Variants in JAZF1 observed in about 807,000 individuals in gnomAD.
JAZF1 encodes JAZF zinc finger 1.
JAZF1 carries 8 observed loss-of-function variants against 26.4 expected under a neutral mutation model. That is an observed-to-expected ratio of 0.30 (90% CI 0.18 to 0.55). The LOEUF (loss-of-function observed/expected upper bound fraction) is 0.55. Among genes scored for constraint, JAZF1 ranks in the 20% least tolerant of loss-of-function variants. The probability of loss-of-function intolerance (pLI) is 0.94; values close to 1 mark genes in which losing one functional copy is unlikely to be tolerated. For missense variants in JAZF1, 199 were observed against 322.0 expected (o/e 0.62, Z 2.92); for synonymous variants, 126 against 122.3 (o/e 1.03, Z -0.20).
At chr7:27,846,737 C>A (rs1783038882) in intron 3 of JAZF1, among the ~76,000 whole-genome samples, 1 of 152,164 alleles carries the variant, frequency 6.6e-6, no homozygotes, top group African/African-American at 2.4e-5. Context: ...ATCCTGTTGG[C>A]CATTTTTATG....
At chr7:27,944,692 A>G (rs1177179405) in intron 2 of JAZF1, among the ~76,000 whole-genome samples, 1 of 152,212 alleles carries the variant, frequency 6.6e-6, no homozygotes, top group Non-Finnish European at 1.5e-5. Flanking sequence ...GAAATTGTGC[A>G]GGGGTCACAT....
chr7:27,880,440 C>G (rs1265657023), intron 3 of JAZF1, among the ~76,000 whole-genome samples: 1 of 152,084 alleles, frequency 6.6e-6, no homozygotes, highest in East Asian at 2.0e-4. Context: ...TGAGACCAGT[C>G]TGGCCAACAT....
intron 1 of JAZF1, among the ~76,000 whole-genome samples, chr7:28,090,624 C>T (rs1378732181): frequency 2.6e-5 from 4 of 152,256 alleles, no homozygotes; most frequent in Admixed American, 2.6e-4. Context: ...GGTACTAGTA[C>T]TCCCACATAA....
chr7:27,903,658 C>A (rs1021785551), intron 2 of JAZF1, among the ~76,000 whole-genome samples: 1 of 152,214 alleles, frequency 6.6e-6, no homozygotes, highest in African/African-American at 2.4e-5. Flanking sequence ...TACTTCCTGG[C>A]CTTGATTTCT....
chr7:27,889,740 T>C (rs1229426975), intron 3 of JAZF1, among the ~76,000 whole-genome samples: 1 of 152,156 alleles, frequency 6.6e-6, no homozygotes, highest in Non-Finnish European at 1.5e-5. Context: ...AAGACCAGCC[T>C]GGCCAATATG....
chr7:27,975,015 G>C (rs1239552422), intron 2 of JAZF1, among the ~76,000 whole-genome samples: 2 of 151,860 alleles, frequency 1.3e-5, no homozygotes, highest in African/African-American at 2.4e-5. Flanking sequence ...CTCCTGAGTA[G>C]CTGGGACTAC....
chr7:28,146,044 C>T (rs1783023222), intron 1 of JAZF1, among the ~76,000 whole-genome samples: 1 of 152,156 alleles, frequency 6.6e-6, no homozygotes. Flanking sequence ...CCCCATGCTA[C>T]TATTCTAAAT....
chr7:28,025,234 G>C (rs943459479), intron 1 of JAZF1, among the ~76,000 whole-genome samples: 1 of 152,188 alleles, frequency 6.6e-6, no homozygotes, highest in Non-Finnish European at 1.5e-5. Flanking sequence ...CAATGATAGT[G>C]TTAAAGAACA....
chr7:27,980,080 C>T (rs563015197), intron 2 of JAZF1, among the ~76,000 whole-genome samples: 4 of 152,268 alleles, frequency 2.6e-5, no homozygotes, highest in Non-Finnish European at 5.9e-5. Context: ...ATATTAGATA[C>T]TTTTTCAAAT....
In JAZF1 at chr7:28,067,224, G is replaced by T. The variant is rs368523228; in HGVS notation, c.116-75243C>A. 2.6e-5 allele frequency among the ~76,000 whole-genome samples: 4 copies of T among 152,144 alleles called. No individual in the cohort carries two copies. In the East Asian group the frequency reaches 7.7e-4, roughly 29 times the overall value. On this transcript the variant is annotated intron_variant, in intron 1 of 4. Coordinates refer to ENST00000283928, the MANE Select transcript of JAZF1 (RefSeq NM_175061.4). ...CTGGGTCTGAAAAACCTGAATTAAG[G>T]TAACTATTATCCTCAGTGAACATGT...
At chr7:28,046,451 A>G (rs1054088162) in intron 1 of JAZF1, among the ~76,000 whole-genome samples, 2 of 152,196 alleles carry the variant, frequency 1.3e-5, no homozygotes, top group Non-Finnish European at 2.9e-5. Context: ...CTGTTCCCTT[A>G]CTAGGGGACA....
chr7:28,109,211 T>C (rs189005642), intron 1 of JAZF1, among the ~76,000 whole-genome samples: 3 of 152,300 alleles, frequency 2.0e-5, no homozygotes, highest in Admixed American at 2.0e-4. Context: ...GTCTTCAATG[T>C]TTTCACCACA....
At chr7:28,018,113 C>A (rs6946778) in intron 1 of JAZF1, among the ~76,000 whole-genome samples, 11 of 152,132 alleles carry the variant, frequency 7.2e-5, no homozygotes, top group African/African-American at 2.2e-4. Context: ...ATAGGAAAAG[C>A]CTTTCCATGG....
intron 2 of JAZF1, among the ~76,000 whole-genome samples, chr7:27,979,716 C>A (rs10254387): frequency 0.014 from 2,114 of 152,140 alleles, 59 homozygotes; most frequent in African/African-American, 0.049. Context: ...CCCTGCAGCT[C>A]CCCGAATCCC....
intron 1 of JAZF1, among the ~76,000 whole-genome samples, chr7:27,996,333 T>C (rs1407456137): frequency 1.3e-5 from 2 of 152,176 alleles, no homozygotes; most frequent in African/African-American, 4.8e-5. Flanking sequence ...GGGGAAGATG[T>C]GATATCACGC....
rs115522267 is a variant in JAZF1 at position 27,887,507 on chromosome 7, C to T, written c.385+7713G>A. On this transcript the variant is annotated intron_variant, in intron 3 of 4. Coordinates refer to ENST00000283928, the MANE Select transcript of JAZF1 (RefSeq NM_175061.4). ...CTTGGCTCACTACAACCTCTGCCTC[C>T]CAGGTCCAACTGATTCTCATGCCTC... 7.8e-3 allele frequency among the ~76,000 whole-genome samples: 1,190 copies of T among 152,192 alleles called. 18 individuals are homozygous for T. The highest frequency in any genetic ancestry group is 0.027 in the African/African-American group (1,126 of 41,518).
chr7:27,966,918 G>A lies in JAZF1; in HGVS notation c.188+24991C>T, dbSNP rs370814481. Among the ~76,000 whole-genome samples, 64 of 152,232 alleles carry A rather than the reference G, an allele frequency of 4.2e-4. 1 individual carries two copies. Among genetic ancestry groups the A allele is most frequent in the African/African-American group, 1.3e-3 (56 of 41,536 alleles). On this transcript the variant is annotated intron_variant, in intron 2 of 4. Transcript: ENST00000283928. ...TTCCAGCTGCTTCAACTTTAGACACGAAAAGAAACTGATGGGGGCATCCAG... is the reference window on the plus strand; with the variant it reads ...TTCCAGCTGCTTCAACTTTAGACACAAAAAGAAACTGATGGGGGCATCCAG...
intron 1 of JAZF1, among the ~76,000 whole-genome samples, chr7:28,154,417 CATT>C (rs1320390325): frequency 6.6e-6 from 1 of 152,178 alleles, no homozygotes; most frequent in African/African-American, 2.4e-5. Context: ...AAGATATGAT[CATT>C]ATACAGCCTC....
At chr7:28,075,716 C>T (rs1224615563) in intron 1 of JAZF1, among the ~76,000 whole-genome samples, 1 of 151,956 alleles carries the variant, frequency 6.6e-6, no homozygotes, top group Non-Finnish European at 1.5e-5. Flanking sequence ...TTAAGCACTC[C>T]CCATATTAAT....
Sources: allele counts gnomAD v4.1 joint callset (sites outside exome capture counted in the v4.1 genomes callset), GRCh38; gene constraint gnomAD v4.1.1; transcripts MANE v1.5; gene names NCBI Gene and HGNC (gene_info 2026-07-23, HGNC 2026-07-21).